SORCS1: variants seen among roughly 807,000 people sequenced by gnomAD.
SORCS1 encodes the protein VPS10 domain-containing receptor SorCS1.
In SORCS1, 60 loss-of-function variants were observed where a neutral mutation model predicts 146.1. That is an observed-to-expected ratio of 0.41 (90% CI 0.33 to 0.51). The LOEUF is 0.51. SORCS1 is among the 20% of genes least tolerant of loss of function. The pLI is 0.21. For missense variants in SORCS1, 1,352 were observed against 1,487.6 expected, an observed-to-expected ratio of 0.91 and a Z score of 1.50; for synonymous variants, 637 against 584.0, an observed-to-expected ratio of 1.09 and a Z score of -1.31.
At chr10:106,956,810 A>T (rs1954966481) in intron 1 of SORCS1, among the ~76,000 whole-genome samples, 1 of 152,200 alleles carries the variant, frequency 6.6e-6, no homozygotes, top group South Asian at 2.1e-4. Context: ...CCCTGCAGCA[A>T]GGGTTACCTG....
chr10:106,908,597 C>T (rs1443536778), intron 2 of SORCS1, among the ~76,000 whole-genome samples: 2 of 152,136 alleles, frequency 1.3e-5, no homozygotes, highest in African/African-American at 4.8e-5. Flanking sequence ...GGAATGTGTC[C>T]CCTGCAAGGC....
intron 1 of SORCS1, among the ~76,000 whole-genome samples, chr10:106,989,671 T>TG (rs1564895096): frequency 1.4e-4 from 11 of 80,354 alleles, no homozygotes; most frequent in African/African-American, 4.4e-4. Flanking sequence ...ATTTTTTCTG[T>TG]TTTTTTTTGT....
intron 1 of SORCS1, among the ~76,000 whole-genome samples, chr10:107,092,792 T>C (rs1486865025): frequency 6.6e-5 from 10 of 151,104 alleles, no homozygotes; most frequent in African/African-American, 2.4e-4. Context: ...CTTTATATTT[T>C]ACTTCTAAGT....
Position 106,894,270 on chromosome 10 carries a change from CGTGTGTGTGTGTGTGTGT to C in SORCS1, c.626+62225_626+62242del, listed in dbSNP as rs3982431. Among the ~76,000 whole-genome samples, 524 of 141,552 alleles carry C rather than the reference CGTGTGTGTGTGTGTGTGT, an allele frequency of 3.7e-3. 1 individual carries two copies. Among genetic ancestry groups the C allele is most frequent in the Middle Eastern group, 7.2e-3 (2 of 276 alleles). 92.9% of individuals were successfully genotyped at this position (141,552 alleles called of 152,430 possible). Reference sequence around the variant, plus strand: ...GTGTGTGTGCGCGCGCGCACGTGTGCGTGTGTGTGTGTGTGTGTGTGTGTGTGTGTGTGTGTGTAGGGA... The same window carrying C: ...GTGTGTGTGCGCGCGCGCACGTGTGCGTGTGTGTGTGTGTGTGTGTAGGGA... On this transcript the variant is annotated intron_variant, in intron 2 of 25. Coordinates refer to ENST00000263054, the MANE Select transcript of SORCS1 (RefSeq NM_052918.5).
intron 18 of SORCS1, 117 bp downstream of exon 18, chr10:106,652,265 A>T (rs1273443512): frequency 1.2e-5 from 13 of 1,122,090 alleles, no homozygotes; most frequent in Admixed American, 3.0e-5. Flanking sequence ...TAAAATAAAA[A>T]TTTTTAAATA....
At chr10:106,758,491 T>C (rs1858829565) in intron 5 of SORCS1, among the ~76,000 whole-genome samples, 1 of 152,188 alleles carries the variant, frequency 6.6e-6, no homozygotes, top group Non-Finnish European at 1.5e-5. Context: ...AAAAGATTTG[T>C]CCCTCATGCT....
chr10:106,652,504 A>T lies in SORCS1; in HGVS notation c.2353T>A (p.Tyr785Asn). The change falls in exon 18 of 26, where the codon TAC becomes AAC. Residue 785 changes from tyrosine to asparagine, a missense_variant. This residue lies in a region of SORCS1 where 648 missense variants were observed against 793.8 expected (regional missense o/e 0.82). Transcript: ENST00000263054. Reference sequence around the variant, plus strand: ...GGGCACTTCTGCGGTTTGGCAGTGTACTGTTCCCTTACGCCATCAGTGCAA... The same window carrying T: ...GGGCACTTCTGCGGTTTGGCAGTGTTCTGTTCCCTTACGCCATCAGTGCAA... ...NNCTDGVREQ[Y>N]TAKPQKCPGK... 1 of 1,614,072 alleles carries T rather than the reference A, an allele frequency of 6.2e-7. No homozygotes were observed. The highest frequency in any genetic ancestry group is 8.5e-7 in the Non-Finnish European group (1 of 1,179,996).
chr10:107,098,192 A>C (rs1964665440), intron 1 of SORCS1, among the ~76,000 whole-genome samples: 1 of 152,164 alleles, frequency 6.6e-6, no homozygotes, highest in Middle Eastern at 3.2e-3. Context: ...TTAGTAGGTT[A>C]TTATGATGTT....
At chr10:106,975,929 C>A (rs1162347226) in intron 1 of SORCS1, among the ~76,000 whole-genome samples, 1 of 152,108 alleles carries the variant, frequency 6.6e-6, no homozygotes, top group East Asian at 1.9e-4. Context: ...GGGTGGATCA[C>A]CTGAGGTCAG....
intron 3 of SORCS1, among the ~76,000 whole-genome samples, chr10:106,800,079 C>T (rs1303982073): frequency 6.6e-6 from 1 of 152,112 alleles, no homozygotes; most frequent in African/African-American, 2.4e-5. Flanking sequence ...TCTGCCTGCC[C>T]TATTTTTCTA....
chr10:106,781,034 T>C (rs1258794775), intron 3 of SORCS1, among the ~76,000 whole-genome samples: 1 of 152,002 alleles, frequency 6.6e-6, no homozygotes, highest in East Asian at 1.9e-4. Flanking sequence ...AAAAATTAAA[T>C]GCACTTTCAC....
At chr10:106,923,688 T>G (rs1408909869) in intron 2 of SORCS1, among the ~76,000 whole-genome samples, 1 of 152,222 alleles carries the variant, frequency 6.6e-6, no homozygotes, top group African/African-American at 2.4e-5. Context: ...ATCATTGTTT[T>G]CATTTGCAAT....
Position 106,688,228 on chromosome 10 carries a change from G to C in SORCS1, c.1524C>G (p.Asp508Glu). 1 of 1,614,020 alleles carries C rather than the reference G, an allele frequency of 6.2e-7. No individual in the cohort carries two copies. The highest frequency in any genetic ancestry group is 8.5e-7 in the Non-Finnish European group (1 of 1,179,932). The change falls in exon 10 of 26, where the codon GAC (aspartate) becomes GAG (glutamate). Residue 508 changes from aspartate (D) to glutamate (E), a missense_variant. Asp to Glu is a conservative substitution (Grantham distance 45, BLOSUM62 2). Transcript: ENST00000263054. ...GCACGGGGTCCCCCCTTAGATCCGT[G>C]TCCGGCGCCTGCAGCAAACGCCAGT... The part of the protein sequence containing the change: ...GRDWRLLQAP[D>E]TDLRGDPVHC...
chr10:106,894,106 G>A (rs1951352786), intron 2 of SORCS1, among the ~76,000 whole-genome samples: 1 of 152,190 alleles, frequency 6.6e-6, no homozygotes, highest in Non-Finnish European at 1.5e-5. Flanking sequence ...GGAAGCAGCA[G>A]GTGGCAAATT....
At chr10:106,974,541 A>G (rs1394594526) in intron 1 of SORCS1, among the ~76,000 whole-genome samples, 2 of 152,140 alleles carry the variant, frequency 1.3e-5, no homozygotes, top group African/African-American at 4.8e-5. Flanking sequence ...TTAACAAGAG[A>G]TCCACAAGGA....
intron 2 of SORCS1, among the ~76,000 whole-genome samples, chr10:106,923,967 T>A (rs1028531111): frequency 6.6e-6 from 1 of 152,190 alleles, no homozygotes; most frequent in Non-Finnish European, 1.5e-5. Flanking sequence ...GGCTTTAAAA[T>A]AATAATCTGG....
rs1949222833 is a variant in SORCS1 at position 106,844,557 on chromosome 10, T to A, written c.627-14884A>T. 7.2e-5 allele frequency among the ~76,000 whole-genome samples: 11 copies of A among 151,802 alleles called. No individual in the cohort carries two copies. In the South Asian group the frequency reaches 2.1e-3, roughly 29 times the overall value. ...GTCCAGTTTCTCCAACACCATTTAC[T>A]GAATTTCTTTTTTTTTTTAATTATT... On this transcript the variant is annotated intron_variant, in intron 2 of 25. Coordinates refer to ENST00000263054, the MANE Select transcript of SORCS1 (RefSeq NM_052918.5).
At chr10:106,729,299 A>T (rs1157997267) in intron 6 of SORCS1, among the ~76,000 whole-genome samples, 3 of 152,218 alleles carry the variant, frequency 2.0e-5, no homozygotes, top group Non-Finnish European at 2.9e-5. Flanking sequence ...CAACATTGTC[A>T]TGAGGCTACA....
At chr10:106,799,688 C>T (rs1946768385) in intron 3 of SORCS1, among the ~76,000 whole-genome samples, 1 of 152,194 alleles carries the variant, frequency 6.6e-6, no homozygotes, top group Non-Finnish European at 1.5e-5. Flanking sequence ...GAGTAACCGT[C>T]TCACACCAGT....
Sources: allele counts gnomAD v4.1 joint callset (sites outside exome capture counted in the v4.1 genomes callset), GRCh38; gene constraint gnomAD v4.1.1; regional missense constraint gnomAD v4.1.1; transcripts MANE v1.5; gene names NCBI Gene and HGNC (gene_info 2026-07-23, HGNC 2026-07-21).